TNIK: variants seen among roughly 807,000 people sequenced by gnomAD.
TNIK encodes the protein TRAF2 and NCK interacting kinase.
In TNIK, 49 loss-of-function variants were observed where a neutral mutation model predicts 191.3. The ratio of observed to expected loss-of-function variants is 0.26; its 90% CI spans 0.20 to 0.32. TNIK has a LOEUF of 0.32. Among genes scored for constraint, TNIK ranks in the 10% least tolerant of loss-of-function variants. The pLI is 1.00. For synonymous variants in TNIK, 594 were observed against 600.9 expected (o/e 0.99, Z 0.17); for missense variants, 1,155 against 1,702.3 (o/e 0.68, Z 5.66).
At chr3:171,339,854 A>C (rs573056752) in intron 2 of TNIK, among the ~76,000 whole-genome samples, 5 of 152,312 alleles carry the variant, frequency 3.3e-5, no homozygotes, top group South Asian at 2.1e-4. Context: ...GTTGGCATAC[A>C]CCAGCTCATG....
At position 171,063,056 on chromosome 3, in the gene TNIK, G is replaced by GTGTT. The variant is rs1270809137; in HGVS notation, c.*821_*824dup. 6.6e-6 allele frequency: 1 copy of GTGTT among 152,184 alleles called. No individual in the cohort carries two copies. The highest frequency in any genetic ancestry group is 6.5e-5 in the Admixed American group (1 of 15,270). 9.4% of individuals were successfully genotyped at this position (152,184 alleles called of 1,614,324 possible). ...GTTGCATAATAGCTGAGGGAAAGTT[G>GTGTT]TGTTAGAGTGTCCCTCCATCGCTAG... On this transcript the variant is annotated 3_prime_UTR_variant, in exon 33 of 33. Transcript: ENST00000436636.
In TNIK at chr3:171,132,893, CT is replaced by C. The variant is rs549326917; in HGVS notation, c.1609-4016del. Reference sequence around the variant, plus strand: ...TTCAACACAATCATATGGGTATTCTCTTTTTTTCCCCAACTGGACAAAACAG... The same window carrying C: ...TTCAACACAATCATATGGGTATTCTCTTTTTTCCCCAACTGGACAAAACAG... On this transcript the variant is annotated intron_variant, in intron 15 of 32. Coordinates refer to ENST00000436636, the MANE Select transcript of TNIK (RefSeq NM_015028.4). Among the ~76,000 whole-genome samples, 60 of 152,290 alleles carry C rather than the reference CT, an allele frequency of 3.9e-4. 1 individual carries two copies. The East Asian group carries it at 0.011, about 28-fold the overall frequency.
intron 1 of TNIK, among the ~76,000 whole-genome samples, chr3:171,431,275 A>G (rs1417254374): frequency 1.3e-5 from 2 of 152,110 alleles, no homozygotes; most frequent in Non-Finnish European, 2.9e-5. Context: ...CTTCATGTCT[A>G]TTGCAAACAG....
intron 2 of TNIK, among the ~76,000 whole-genome samples, chr3:171,263,195 C>T (rs1310594555): frequency 1.3e-5 from 2 of 152,120 alleles, no homozygotes; most frequent in African/African-American, 2.4e-5. Flanking sequence ...CACCAAGGCA[C>T]CTTTTAGTGC....
chr3:171,353,066 T>C (rs1713458599), intron 2 of TNIK, among the ~76,000 whole-genome samples: 1 of 152,240 alleles, frequency 6.6e-6, no homozygotes. Flanking sequence ...ATAATTCTTT[T>C]CTACCTTTTT....
chr3:171,275,700 T>C (rs1749644331), intron 2 of TNIK, among the ~76,000 whole-genome samples: 2 of 151,834 alleles, frequency 1.3e-5, no homozygotes, highest in Admixed American at 1.3e-4. Context: ...ATCAAGACCA[T>C]CCTGGCTAAC....
At chr3:171,359,604 T>C (rs988790737) in intron 2 of TNIK, among the ~76,000 whole-genome samples, 2 of 152,186 alleles carry the variant, frequency 1.3e-5, no homozygotes, top group African/African-American at 4.8e-5. Flanking sequence ...GACCCCATTC[T>C]AGACCCTCAC....
chr3:171,411,769 G>C (rs1031628713), intron 1 of TNIK, among the ~76,000 whole-genome samples: 1 of 152,180 alleles, frequency 6.6e-6, no homozygotes, highest in African/African-American at 2.4e-5. Context: ...ATTAAAGTCA[G>C]GCAAGGAAGA....
At position 171,258,457 on chromosome 3, in the gene TNIK, T is replaced by C. The variant is rs369700779; in HGVS notation, c.124-30236A>G. 1.8e-4 allele frequency among the ~76,000 whole-genome samples: 28 copies of C among 152,242 alleles called. No individual in the cohort carries two copies. In the East Asian group the frequency reaches 5.4e-3, roughly 29 times the overall value. ...ACTCATTTGTTTCTTCTTCTAGCTG[T>C]TTTCTAATTCCCCTCACCTTTTTCC... On this transcript the variant is annotated intron_variant, in intron 2 of 32. Transcript: ENST00000436636.
chr3:171,371,363 T>A (rs1716465327), intron 1 of TNIK, among the ~76,000 whole-genome samples: 1 of 152,132 alleles, frequency 6.6e-6, no homozygotes, highest in Non-Finnish European at 1.5e-5. Context: ...CCTTCAAAGA[T>A]TCCACACAGA....
At chr3:171,104,647 AAT>A in intron 21 of TNIK, among the ~76,000 whole-genome samples, 1 of 152,058 alleles carries the variant, frequency 6.6e-6, no homozygotes, top group African/African-American at 2.4e-5. Flanking sequence ...TTTTAGAAAC[AAT>A]ATAGTTTATT....
chr3:171,275,881 A>G (rs894503737), intron 2 of TNIK, among the ~76,000 whole-genome samples: 1 of 151,686 alleles, frequency 6.6e-6, no homozygotes, highest in Non-Finnish European at 1.5e-5. Flanking sequence ...TGGGCGACAG[A>G]GCGCGACTCC....
intron 18 of TNIK, among the ~76,000 whole-genome samples, chr3:171,112,454 CAT>C (rs1553815623): frequency 6.7e-6 from 1 of 150,332 alleles, no homozygotes; most frequent in Non-Finnish European, 1.5e-5. Context: ...TTCTTACAAA[CAT>C]TTTTTTCTGT....
At chr3:171,439,469 A>G (rs906838962) in intron 1 of TNIK, 1 of 152,074 alleles carries the variant, frequency 6.6e-6, no homozygotes, top group Non-Finnish European at 1.5e-5. Context: ...AATAGTATAT[A>G]TCACAAGATG....
chr3:171,369,763 T>A, intron 1 of TNIK, 78 bp from the exon 2 acceptor site: 1 of 1,164,860 alleles, frequency 8.6e-7, no homozygotes, highest in Non-Finnish European at 1.2e-6. Context: ...AATACTTATT[T>A]AAATTAAGCA....
chr3:171,304,529 T>C (rs1200556521), intron 2 of TNIK, among the ~76,000 whole-genome samples: 1 of 152,212 alleles, frequency 6.6e-6, no homozygotes, highest in East Asian at 1.9e-4. Context: ...CAAAGGATTA[T>C]AAATCATGCT....
intron 1 of TNIK, among the ~76,000 whole-genome samples, chr3:171,408,887 T>A (rs1300506508): frequency 6.6e-6 from 1 of 152,128 alleles, no homozygotes; most frequent in African/African-American, 2.4e-5. Flanking sequence ...GATATTGTTA[T>A]TAGTGCCAAT....
chr3:171,302,645 G>T (rs1020470325), intron 2 of TNIK, among the ~76,000 whole-genome samples: 2 of 152,124 alleles, frequency 1.3e-5, no homozygotes, highest in African/African-American at 4.8e-5. Context: ...TTAAATTCTG[G>T]CAGAAGTCCT....
chr3:171,061,657 T>G lies in TNIK; in HGVS notation c.*2224A>C, dbSNP rs927876571. On this transcript the variant is annotated 3_prime_UTR_variant, in exon 33 of 33. Coordinates refer to ENST00000436636, the MANE Select transcript of TNIK (RefSeq NM_015028.4). ...AGTTTGCAACATAATTTAAAGAAGCTTCTGGTTTAAAATACCACAGCAGCA... is the reference window on the plus strand; with the variant it reads ...AGTTTGCAACATAATTTAAAGAAGCGTCTGGTTTAAAATACCACAGCAGCA... 3 of 152,180 alleles carry G rather than the reference T, an allele frequency of 2.0e-5. No individual in the cohort carries two copies. The highest frequency in any genetic ancestry group is 4.4e-5 in the Non-Finnish European group (3 of 68,014). The allele number at this position is 152,180 out of a possible 1,614,324, so 9.4% of individuals were successfully genotyped here. A position where few individuals can be genotyped will look rare whatever the true frequency, so the allele number is the denominator to read the frequency against.
Sources: gnomAD v4.1 joint callset for allele counts (sites outside exome capture counted in the v4.1 genomes callset) on GRCh38, gnomAD v4.1.1 for gene constraint, MANE v1.5 for transcripts, NCBI Gene and HGNC (gene_info 2026-07-23, HGNC 2026-07-21) for gene names.